Variants in RB1 observed in about 807,000 individuals in gnomAD.
The protein encoded by RB1 is retinoblastoma-associated protein.
Under a neutral mutation model 135.4 loss-of-function variants are expected in RB1, and 18 were observed. The ratio of observed to expected loss-of-function variants is 0.13; its 90% CI spans 0.09 to 0.20. The LOEUF (loss-of-function observed/expected upper bound fraction) is 0.20, where lower values mean the gene tolerates loss of function less well. Among genes scored for constraint, RB1 ranks in the 10% least tolerant of loss-of-function variants. RB1 has a pLI of 1.00. For synonymous variants in RB1, 365 were observed against 373.2 expected (o/e 0.98, Z 0.25); for missense variants, 868 against 1,110.0 (o/e 0.78, Z 3.10).
At chr13:48,322,294 C>T (rs1209651921) in intron 2 of RB1, among the ~76,000 whole-genome samples, 1 of 152,050 alleles carries the variant, frequency 6.6e-6, no homozygotes, top group African/African-American at 2.4e-5. Flanking sequence ...TTTGTTTATC[C>T]ACTTCTCTGT....
chr13:48,465,464 G>A (rs1215550229), intron 23 of RB1, 96 bp downstream of exon 23: 22 of 1,244,536 alleles, frequency 1.8e-5, no homozygotes, highest in Middle Eastern at 3.8e-4. Context: ...TTTCAAATAA[G>A]CTAGACTCTT....
chr13:48,317,051 C>T, intron 2 of RB1: 1 of 711,454 alleles, frequency 1.4e-6, no homozygotes, highest in South Asian at 2.4e-5. Flanking sequence ...GCAAACTCCG[C>T]CCTGTCTGTG....
intron 23 of RB1, among the ~76,000 whole-genome samples, chr13:48,472,601 T>C (rs1949478201): frequency 1.3e-5 from 2 of 152,198 alleles, no homozygotes; most frequent in Non-Finnish European, 2.9e-5. Context: ...TCTGTGTTGG[T>C]ATTCTTCAGC....
At chr13:48,336,581 T>C (rs2138075396) in intron 2 of RB1, among the ~76,000 whole-genome samples, 1 of 152,172 alleles carries the variant, frequency 6.6e-6, no homozygotes, top group Non-Finnish European at 1.5e-5. Flanking sequence ...TCTCTTTTCT[T>C]CTTTATTAGT....
At chr13:48,450,751 A>G (rs1949321849) in intron 17 of RB1, among the ~76,000 whole-genome samples, 1 of 152,162 alleles carries the variant, frequency 6.6e-6, no homozygotes, top group African/African-American at 2.4e-5. Flanking sequence ...AATAGCATTG[A>G]ATCTATAAAT....
Position 48,342,838 on chromosome 13 carries a change from G to C in RB1, c.380+124G>C, listed in dbSNP as rs984858174. The C allele has an allele frequency of 7.3e-6, 5 of 682,568 alleles. No individual in the cohort carries two copies. In the African/African-American group the frequency reaches 9.1e-5, roughly 12 times the overall value. The allele number at this position is 682,568 out of a possible 1,614,324, so 42.3% of individuals were successfully genotyped here. A position where few individuals can be genotyped will look rare whatever the true frequency, so the allele number is the denominator to read the frequency against. ...AATAAAGTAAAACAAAAAGAACTTG[G>C]ACCAAATAGTGAACTGCCATTCTCT... On this transcript the variant is annotated intron_variant, in intron 3 of 26. Transcript: ENST00000267163.
At chr13:48,310,055 T>A (rs1952118820) in intron 2 of RB1, among the ~76,000 whole-genome samples, 1 of 152,060 alleles carries the variant, frequency 6.6e-6, no homozygotes, top group Non-Finnish European at 1.5e-5. Context: ...GGATTTGAGG[T>A]GTGCTTTTGA....
At chr13:48,324,179 C>T (rs182528760) in intron 2 of RB1, among the ~76,000 whole-genome samples, 272 of 152,032 alleles carry the variant, frequency 1.8e-3, no homozygotes, top group African/African-American at 5.9e-3. Flanking sequence ...TCATCTTAAG[C>T]TTTTATCATT....
At chr13:48,423,254 G>A (rs1474846729) in intron 17 of RB1, among the ~76,000 whole-genome samples, 1 of 152,022 alleles carries the variant, frequency 6.6e-6, no homozygotes, top group Non-Finnish European at 1.5e-5. Flanking sequence ...TTAAGCTGCT[G>A]GGTTGGGTTT....
intron 2 of RB1, among the ~76,000 whole-genome samples, chr13:48,339,342 CTTTG>C (rs1952419546): frequency 6.6e-6 from 1 of 152,240 alleles, no homozygotes; most frequent in Non-Finnish European, 1.5e-5. Flanking sequence ...TTCCTGGCCG[CTTTG>C]TTTACCTACT....
rs2138131298 is a variant in RB1, at chr13:48,373,476, T to C, written c.1199T>C (p.Leu400Pro). ...GCAAGTGATCAACCTTCAGAAAATCTGATTTCCTATTTTAACGTAAGCCAT... is the reference window on the plus strand; with the variant it reads ...GCAAGTGATCAACCTTCAGAAAATCCGATTTCCTATTTTAACGTAAGCCAT... ...NSASDQPSEN[L>P]ISYFNNCTVN... The change falls in exon 12 of 27, where the codon CTG becomes CCG. Residue 400 changes from leucine to proline, a missense_variant. Physicochemically the swap from Leu to Pro is moderately conservative, Grantham distance 98. Around this residue, in one of 3 missense-constraint regions of RB1, gnomAD observed 641 missense variants for 791.3 expected, o/e 0.81. Transcript: ENST00000267163. The C allele has an allele frequency of 6.3e-7, 1 of 1,575,960 alleles. No homozygotes were observed. Among genetic ancestry groups the C allele is most frequent in the Non-Finnish European group, 8.7e-7 (1 of 1,145,568 alleles).
intron 11 of RB1, 107 bp from the exon 12 acceptor site, chr13:48,373,298 G>A: frequency 6.8e-6 from 5 of 730,160 alleles, no homozygotes; most frequent in Non-Finnish European, 1.2e-5. Context: ...CAAGTGGGAG[G>A]CAGTGTATTT....
intron 2 of RB1, among the ~76,000 whole-genome samples, chr13:48,311,806 A>G (rs953076326): frequency 2.6e-5 from 4 of 152,166 alleles, no homozygotes; most frequent in Admixed American, 2.6e-4. Flanking sequence ...CCCGGGTCCA[A>G]GCGATTCTCC....
intron 17 of RB1, among the ~76,000 whole-genome samples, chr13:48,425,334 C>A (rs1949064157): frequency 6.6e-6 from 1 of 152,174 alleles, no homozygotes; most frequent in Non-Finnish European, 1.5e-5. Flanking sequence ...CTATTTTCTC[C>A]ATTCTCTCAA....
intron 19 of RB1, among the ~76,000 whole-genome samples, chr13:48,457,451 T>C (rs1250929099): frequency 6.6e-6 from 1 of 152,152 alleles, no homozygotes; most frequent in Non-Finnish European, 1.5e-5. Context: ...TGTGCACCGA[T>C]TGGTACATGG....
chr13:48,450,981 C>T (rs1042915331), intron 17 of RB1, among the ~76,000 whole-genome samples: 2 of 152,014 alleles, frequency 1.3e-5, no homozygotes, highest in African/African-American at 4.8e-5. Flanking sequence ...TCTTTGCTTG[C>T]TTATTGTTGG....
At chr13:48,474,660 T>C (rs1949493288) in intron 24 of RB1, among the ~76,000 whole-genome samples, 1 of 152,092 alleles carries the variant, frequency 6.6e-6, no homozygotes, top group Admixed American at 6.6e-5. Flanking sequence ...TAGGATATTC[T>C]TTTTCTGGTA....
intron 17 of RB1, chr13:48,412,562 T>C (rs1948835120): frequency 1.5e-6 from 1 of 682,836 alleles, no homozygotes. Context: ...AAATATTTCC[T>C]TTTTCTCAGA....
chr13:48,312,078 C>T (rs1952136181), intron 2 of RB1, among the ~76,000 whole-genome samples: 1 of 152,136 alleles, frequency 6.6e-6, no homozygotes, highest in Non-Finnish European at 1.5e-5. Flanking sequence ...TAAATTGGTA[C>T]CTTTATCATT....
Sources: gnomAD v4.1 joint callset for allele counts (sites outside exome capture counted in the v4.1 genomes callset) on GRCh38, gnomAD v4.1.1 for gene constraint, gnomAD v4.1.1 regional missense constraint, MANE v1.5 for transcripts, NCBI Gene and HGNC (gene_info 2026-07-23, HGNC 2026-07-21) for gene names.